The following NRXN3 variants were observed in gnomAD, a reference collection of about 807,000 sequenced individuals.
NRXN3 encodes neurexin 3, also known as neurexin III.
NRXN3 carries 32 observed loss-of-function variants against 137.6 expected under a neutral mutation model. That is an observed-to-expected ratio of 0.23 (90% CI 0.18 to 0.31). The LOEUF (loss-of-function observed/expected upper bound fraction) is 0.31, where lower values mean the gene tolerates loss of function less well. NRXN3 is among the 10% of genes least tolerant of loss of function. The pLI is 1.00. For missense variants in NRXN3, 1,574 were observed against 2,062.5 expected, an observed-to-expected ratio of 0.76 and a Z score of 4.59; for synonymous variants, 798 against 784.5, an observed-to-expected ratio of 1.02 and a Z score of -0.29.
chr14:78,243,669 G>A lies in NRXN3; in HGVS notation c.576G>A (p.Arg192=), dbSNP rs1317097130. ...CGGAGCCTCGGCTTCTGGGGAGCCG[G>A]GGTGTCCAGATGGATGCCGAGGGAC... ...GNSEPRLLGS[R]GVQMDAEGPC... is the part of the protein sequence containing the mutation. The change falls in exon 2 of 21, where the codon CGG becomes CGA. Residue 192 remains arginine (R), a synonymous_variant. Transcript: ENST00000335750. The surrounding 1 kb of genome is among the most constrained non-coding windows in gnomAD (Gnocchi z 4.2). 6.3e-7 allele frequency: 1 copy of A among 1,598,286 alleles called. No individual in the cohort carries two copies. The highest frequency in any genetic ancestry group is 8.5e-7 in the Non-Finnish European group (1 of 1,179,814).
chr14:78,300,763 T>C (rs2076794161), intron 4 of NRXN3: 2 of 1,012,780 alleles, frequency 2.0e-6, no homozygotes, highest in African/African-American at 1.6e-5. Flanking sequence ...TCCAAGAGGA[T>C]TGTCGATTCT....
intron 4 of NRXN3, among the ~76,000 whole-genome samples, chr14:78,633,939 G>A (rs1213723005): frequency 1.3e-5 from 2 of 152,204 alleles, no homozygotes; most frequent in African/African-American, 2.4e-5. Flanking sequence ...TAACAAAGGA[G>A]GAGCTGGGCT....
At position 79,485,830 on chromosome 14, in the gene NRXN3, G is replaced by A. The variant is rs77811937; in HGVS notation, c.3444+18428G>A. Among the ~76,000 whole-genome samples the A allele has an allele frequency of 2.5e-3, 387 of 152,194 alleles. 17 individuals carry two copies. The East Asian group carries it at 0.063, about 25-fold the overall frequency. On this transcript the variant is annotated intron_variant, in intron 16 of 20. Coordinates refer to ENST00000335750, the MANE Select transcript of NRXN3 (RefSeq NM_001330195.2). Reference sequence around the variant, plus strand: ...TCAACATGTTTTCATATATTTTAACGTACTGTTAGAGCAATCCTGGAAGCT... The same window carrying A: ...TCAACATGTTTTCATATATTTTAACATACTGTTAGAGCAATCCTGGAAGCT...
chr14:79,289,885 C>A (rs2082883589), intron 15 of NRXN3, among the ~76,000 whole-genome samples: 1 of 152,100 alleles, frequency 6.6e-6, no homozygotes, highest in South Asian at 2.1e-4. Context: ...GAAGACCTGT[C>A]CCCAGCCCCA....
chr14:78,268,264 CGTTTT>C (rs924046737), intron 2 of NRXN3, among the ~76,000 whole-genome samples: 4 of 151,112 alleles, frequency 2.6e-5, no homozygotes, highest in South Asian at 2.1e-4. Context: ...ACTGGACCAC[CGTTTT>C]GTTTTGTTTT....
At chr14:79,290,832 C>T (rs2083065745) in intron 15 of NRXN3, among the ~76,000 whole-genome samples, 1 of 152,160 alleles carries the variant, frequency 6.6e-6, no homozygotes. Flanking sequence ...AGAGGAACTC[C>T]AATTGCTTTG....
chr14:78,429,152 T>G (rs1240580066), intron 4 of NRXN3, among the ~76,000 whole-genome samples: 3 of 152,036 alleles, frequency 2.0e-5, no homozygotes, highest in Admixed American at 6.6e-5. Context: ...CTTGGCTCAC[T>G]GCAACCCTCC....
intron 19 of NRXN3, among the ~76,000 whole-genome samples, chr14:79,797,019 T>C (rs1257961147): frequency 1.3e-5 from 2 of 152,332 alleles, no homozygotes; most frequent in East Asian, 3.9e-4. Context: ...CAGGTCAGCC[T>C]GGTCCCAAGC....
chr14:78,906,988 A>G (rs2099219452), intron 10 of NRXN3, among the ~76,000 whole-genome samples: 1 of 151,948 alleles, frequency 6.6e-6, no homozygotes, highest in Admixed American at 6.6e-5. Context: ...GCTGAGATAC[A>G]CTCCTTAAAG....
intron 4 of NRXN3, among the ~76,000 whole-genome samples, chr14:78,443,194 T>A (rs1385401223): frequency 6.6e-6 from 1 of 152,238 alleles, no homozygotes; most frequent in Non-Finnish European, 1.5e-5. Context: ...TTTCCTTCTT[T>A]TCCTCAAGGT....
intron 16 of NRXN3, chr14:79,570,550 T>A (rs2153796130): frequency 6.6e-6 from 1 of 152,272 alleles, no homozygotes; most frequent in Admixed American, 6.5e-5. Context: ...GAACAGACCC[T>A]GAGATGCTGA....
At chr14:78,362,706 A>C (rs1456501323) in intron 4 of NRXN3, among the ~76,000 whole-genome samples, 1 of 152,218 alleles carries the variant, frequency 6.6e-6, no homozygotes, top group Admixed American at 6.5e-5. Context: ...GATATGGTTC[A>C]TGGCTATCAG....
intron 15 of NRXN3, among the ~76,000 whole-genome samples, chr14:79,182,109 GTTTAA>G (rs1477632239): frequency 6.6e-6 from 1 of 151,930 alleles, no homozygotes; most frequent in African/African-American, 2.4e-5. Flanking sequence ...TCAATATCAT[GTTTAA>G]TTTATTTTAT....
intron 15 of NRXN3, among the ~76,000 whole-genome samples, chr14:79,091,783 C>T (rs1287859127): frequency 6.6e-6 from 1 of 151,928 alleles, no homozygotes; most frequent in Non-Finnish European, 1.5e-5. Context: ...AGTAAGGTGG[C>T]ACCATTTACC....
At chr14:78,912,607 G>A (rs1040445360) in intron 10 of NRXN3, among the ~76,000 whole-genome samples, 2 of 152,050 alleles carry the variant, frequency 1.3e-5, no homozygotes, top group African/African-American at 2.4e-5. Context: ...GATGGAAAAC[G>A]CAGATAGTAT....
chr14:78,566,168 CA>C (rs931390711), intron 4 of NRXN3, among the ~76,000 whole-genome samples: 5 of 150,950 alleles, frequency 3.3e-5, no homozygotes, highest in South Asian at 2.1e-4. Context: ...CAACGCCGGC[CA>C]AAAAAAAGAC....
intron 19 of NRXN3, among the ~76,000 whole-genome samples, chr14:79,708,698 C>A (rs1218507788): frequency 6.6e-6 from 1 of 152,092 alleles, no homozygotes; most frequent in African/African-American, 2.4e-5. Flanking sequence ...CACACTGAGG[C>A]TGTTATGACA....
At position 78,499,050 on chromosome 14, in the gene NRXN3, G is replaced by A. The variant is rs1444168000; in HGVS notation, c.758-146070G>A. On this transcript the variant is annotated intron_variant, in intron 4 of 20. Transcript: ENST00000335750. ...CAGGCTACCTCATTGGAAGTTGAGA[G>A]GATTAAATGAGATGATATATTTAAA... 2.0e-5 allele frequency among the ~76,000 whole-genome samples: 3 copies of A among 152,090 alleles called. No individual in the cohort carries two copies. The East Asian group carries it at 5.8e-4, about 29-fold the overall frequency.
chr14:78,848,407 G>T (rs1198974120), intron 10 of NRXN3, among the ~76,000 whole-genome samples: 10 of 152,114 alleles, frequency 6.6e-5, no homozygotes, highest in African/African-American at 2.4e-5. Flanking sequence ...CTGGATAACC[G>T]TTAAAAGAAA....
Sources: allele counts gnomAD v4.1 joint callset (sites outside exome capture counted in the v4.1 genomes callset), GRCh38; gene constraint gnomAD v4.1.1; non-coding constraint Gnocchi (gnomAD v3.1); transcripts MANE v1.5; gene names NCBI Gene and HGNC (gene_info 2026-07-23, HGNC 2026-07-21).